RB1: variants seen among roughly 807,000 people sequenced by gnomAD.
The protein encoded by RB1 is retinoblastoma-associated protein.
A neutral mutation model predicts 135.4 loss-of-function variants in RB1; 18 were observed. That is an observed-to-expected ratio of 0.13 (90% CI 0.09 to 0.20). RB1 has a LOEUF of 0.20. RB1 is among the 10% of genes least tolerant of loss of function. RB1 has a pLI of 1.00. For synonymous variants in RB1, 365 were observed against 373.2 expected (o/e 0.98, Z 0.25); for missense variants, 868 against 1,110.0 (o/e 0.78, Z 3.10).
chr13:48,477,629 G>T (rs1439789953), intron 26 of RB1, among the ~76,000 whole-genome samples: 1 of 152,086 alleles, frequency 6.6e-6, no homozygotes, highest in Non-Finnish European at 1.5e-5. Flanking sequence ...CATGCAGGAA[G>T]ACTAAGAAGT....
intron 2 of RB1, among the ~76,000 whole-genome samples, chr13:48,326,370 GTTTGTT>G (rs1444685261): frequency 6.6e-6 from 1 of 150,922 alleles, no homozygotes; most frequent in African/African-American, 2.4e-5. Context: ...TTGTTTGTTT[GTTTGTT>G]TTTGAGTTTG....
intron 17 of RB1, among the ~76,000 whole-genome samples, chr13:48,451,527 T>G (rs1347249953): frequency 6.6e-6 from 1 of 152,176 alleles, no homozygotes; most frequent in African/African-American, 2.4e-5. Context: ...TTGCCAGTAT[T>G]TTATTGTGGA....
chr13:48,402,237 T>G (rs1323082187), intron 17 of RB1, among the ~76,000 whole-genome samples: 1 of 152,200 alleles, frequency 6.6e-6, no homozygotes, highest in East Asian at 1.9e-4. Context: ...GTGTACACTT[T>G]TAGATTGGCA....
At chr13:48,421,552 A>G (rs1949004905) in intron 17 of RB1, among the ~76,000 whole-genome samples, 2 of 152,238 alleles carry the variant, frequency 1.3e-5, no homozygotes, top group African/African-American at 2.4e-5. Context: ...CTGCACAGCA[A>G]AAGAAACTAT....
At position 48,306,006 on chromosome 13, in the gene RB1, G is replaced by A. The variant is rs145755889; in HGVS notation, c.138-1274G>A. On this transcript the variant is annotated intron_variant, in intron 1 of 26. Transcript: ENST00000267163. ...TGTTTCGAGCTGGGTGTGATGGCGC[G>A]TACCTGTAGTCCATGCTACTCAGGA... Among the ~76,000 whole-genome samples, 392 of 152,304 alleles carry A rather than the reference G, an allele frequency of 2.6e-3. 1 individual carries two copies. Among genetic ancestry groups the A allele is most frequent in the African/African-American group, 8.9e-3 (372 of 41,570 alleles).
intron 17 of RB1, among the ~76,000 whole-genome samples, chr13:48,430,774 A>C (rs892136764): frequency 5.9e-4 from 89 of 151,938 alleles, no homozygotes; most frequent in Middle Eastern, 3.4e-3. Flanking sequence ...ACAAAAAAAA[A>C]AAACAGTAGA....
chr13:48,321,009 C>G (rs1009646897), intron 2 of RB1, among the ~76,000 whole-genome samples: 1 of 152,178 alleles, frequency 6.6e-6, no homozygotes, highest in Non-Finnish European at 1.5e-5. Flanking sequence ...ACTAGGTCGA[C>G]TGTGAAACTG....
At chr13:48,316,241 G>A (rs1249371492) in intron 2 of RB1, among the ~76,000 whole-genome samples, 1 of 151,144 alleles carries the variant, frequency 6.6e-6, no homozygotes, top group Non-Finnish European at 1.5e-5. Flanking sequence ...TTTCAAATGT[G>A]CTCTGGCCTC....
At chr13:48,472,328 A>G (rs1464273702) in intron 23 of RB1, among the ~76,000 whole-genome samples, 1 of 152,178 alleles carries the variant, frequency 6.6e-6, no homozygotes, top group African/African-American at 2.4e-5. Context: ...GTAAGAAATA[A>G]TTGGCAATAT....
chr13:48,475,153 G>A (rs574568276), intron 24 of RB1, among the ~76,000 whole-genome samples: 1 of 152,278 alleles, frequency 6.6e-6, no homozygotes, highest in South Asian at 2.1e-4. Flanking sequence ...TTACAGATGT[G>A]AGCCACTGCA....
intron 6 of RB1, 141 bp from the exon 7 acceptor site, chr13:48,359,876 A>C: frequency 8.0e-7 from 1 of 1,256,360 alleles, no homozygotes. Context: ...TTTTTTTTAC[A>C]AAAAAAAGAA....
chr13:48,309,089 A>G (rs1952110539), intron 2 of RB1, among the ~76,000 whole-genome samples: 2 of 152,220 alleles, frequency 1.3e-5, no homozygotes, highest in South Asian at 2.1e-4. Flanking sequence ...TCGTAAGAAT[A>G]ATGCCTGGCA....
intron 17 of RB1, among the ~76,000 whole-genome samples, chr13:48,452,391 A>G (rs571624455): frequency 7.2e-5 from 11 of 152,180 alleles, no homozygotes; most frequent in African/African-American, 2.4e-4. Flanking sequence ...AGGACTATGT[A>G]AGTTATTTTA....
intron 13 of RB1, among the ~76,000 whole-genome samples, 167 bp downstream of exon 13, chr13:48,377,201 T>C (rs1952835792): frequency 6.6e-6 from 1 of 152,312 alleles, no homozygotes. Context: ...GGTAACTTTA[T>C]GGAAAACTAC....
chr13:48,475,007 A>G (rs1183030473), intron 24 of RB1, among the ~76,000 whole-genome samples: 2 of 152,092 alleles, frequency 1.3e-5, no homozygotes, highest in African/African-American at 2.4e-5. Flanking sequence ...CCAAGTTGCC[A>G]GGACTACAGG....
intron 17 of RB1, chr13:48,412,412 A>T: frequency 6.2e-7 from 1 of 1,613,486 alleles, no homozygotes; most frequent in Non-Finnish European, 8.5e-7. Context: ...GGGAGCTGTT[A>T]ACGCTTACCA....
At chr13:48,411,548 G>A (rs1216217787) in intron 17 of RB1, 11 of 1,613,626 alleles carry the variant, frequency 6.8e-6, no homozygotes, top group African/African-American at 1.3e-5. Flanking sequence ...CCGATGTAAA[G>A]TAGTAAACTA....
At chr13:48,467,209 C>A in intron 23 of RB1, among the ~76,000 whole-genome samples, 1 of 119,754 alleles carries the variant, frequency 8.4e-6, no homozygotes, top group African/African-American at 3.1e-5. Flanking sequence ...CAGCGGATCT[C>A]TCGGCAGAAA....
intron 2 of RB1, among the ~76,000 whole-genome samples, chr13:48,314,858 T>G (rs1952167176): frequency 6.6e-6 from 1 of 152,126 alleles, no homozygotes; most frequent in Non-Finnish European, 1.5e-5. Context: ...TTTATTATAG[T>G]CCTCATGTTG....
Sources: allele counts gnomAD v4.1 joint callset (sites outside exome capture counted in the v4.1 genomes callset), GRCh38; gene constraint gnomAD v4.1.1; transcripts MANE v1.5; gene names NCBI Gene and HGNC (gene_info 2026-07-23, HGNC 2026-07-21).